Variants in PRR5 observed in about 807,000 individuals in gnomAD.
PRR5 encodes proline rich 5, also known as proline-rich protein 5.
Under a neutral mutation model 30.6 loss-of-function variants are expected in PRR5, and 25 were observed. The observed-to-expected ratio is 0.82, with a 90% CI of 0.60 to 1.14. The LOEUF (loss-of-function observed/expected upper bound fraction) is 1.14, where lower values mean the gene tolerates loss of function less well. PRR5 is among the 50% of genes most tolerant of loss of function. The pLI is 0.00. For missense variants in PRR5, 600 were observed against 547.1 expected, an observed-to-expected ratio of 1.10 and a Z score of -0.96; for synonymous variants, 286 against 247.1, an observed-to-expected ratio of 1.16 and a Z score of -1.48.
intron 1 of PRR5, among the ~76,000 whole-genome samples, chr22:44,704,475 C>G (rs12330008): frequency 0.027 from 4,066 of 152,102 alleles, 167 homozygotes; most frequent in Admixed American, 0.12. Flanking sequence ...CTGAGCAACC[C>G]CCGCCCCACC....
chr22:44,709,544 G>A (rs1185197419), intron 1 of PRR5, among the ~76,000 whole-genome samples: 1 of 152,110 alleles, frequency 6.6e-6, no homozygotes, highest in African/African-American at 2.4e-5. Context: ...GTTGATTTTA[G>A]TCCAGGGAAA....
intron 6 of PRR5, among the ~76,000 whole-genome samples, 195 bp downstream of exon 6, chr22:44,732,586 G>A (rs1438717268): frequency 6.6e-6 from 1 of 152,176 alleles, no homozygotes; most frequent in Non-Finnish European, 1.5e-5. Context: ...AGCTCAAGCT[G>A]CAGACCCGTT....
rs1368438848 is a variant in PRR5, at chr22:44,692,321, GGGGCTCCTCCTCCCA to G, written c.-10-10159_-10-10145del. 2.8e-5 allele frequency among the ~76,000 whole-genome samples: 3 copies of G among 108,860 alleles called. No individual in the cohort carries two copies. In the East Asian group the frequency reaches 9.0e-4, roughly 33 times the overall value. 71.4% of individuals were successfully genotyped at this position (108,860 alleles called of 152,430 possible). A position where few individuals can be genotyped will look rare whatever the true frequency, so the allele number is the denominator to read the frequency against. On this transcript the variant is annotated intron_variant, in intron 1 of 8. Coordinates refer to the PRR5 transcript ENST00000006251. ...TCCCCCTCTCGGTGCTCCTCCTCCCGGGGCTCCTCCTCCCAGGGCTCCTCCTGGGGGCTCCTCCTC... is the reference window on the plus strand; with the variant it reads ...TCCCCCTCTCGGTGCTCCTCCTCCCGGGGCTCCTCCTGGGGGCTCCTCCTC...
chr22:44,731,379 T>C, intron 4 of PRR5: 2 of 382,774 alleles, frequency 5.2e-6, no homozygotes, highest in South Asian at 2.7e-5. Flanking sequence ...TGTGTGGCTC[T>C]CACTTGTGTG....
At chr22:44,703,174 G>C (rs754007303) in intron 1 of PRR5, among the ~76,000 whole-genome samples, 1 of 152,190 alleles carries the variant, frequency 6.6e-6, no homozygotes, top group Non-Finnish European at 1.5e-5. Flanking sequence ...GCAGGGGCCT[G>C]GGAAGCCCCT....
At chr22:44,669,154 T>A (rs1923275791) in intron 1 of PRR5, among the ~76,000 whole-genome samples, 1 of 140,194 alleles carries the variant, frequency 7.1e-6, no homozygotes, top group Non-Finnish European at 1.6e-5. Flanking sequence ...TTTGTCCGCG[T>A]CTCTGTGGGT....
chr22:44,670,162 G>C (rs754105398), intron 1 of PRR5, among the ~76,000 whole-genome samples: 1 of 152,182 alleles, frequency 6.6e-6, no homozygotes, highest in Non-Finnish European at 1.5e-5. Context: ...TCCGGCTGGC[G>C]GACAGCGAAG....
chr22:44,724,577 T>C (rs1930402982), intron 2 of PRR5, among the ~76,000 whole-genome samples: 1 of 152,056 alleles, frequency 6.6e-6, no homozygotes, highest in South Asian at 2.1e-4. Flanking sequence ...GCCTGGCTGG[T>C]GTGGAATGTG....
chr22:44,732,429 T>C, intron 6 of PRR5, 38 bp downstream of exon 6: 1 of 1,583,970 alleles, frequency 6.3e-7, no homozygotes, highest in Admixed American at 1.7e-5. Context: ...ATGGGGACCG[T>C]GGGGCAGTAA....
chr22:44,714,548 C>T, intron 1 of PRR5, 43 bp from the exon 2 acceptor site: 1 of 1,608,002 alleles, frequency 6.2e-7, no homozygotes, highest in Non-Finnish European at 8.5e-7. Context: ...CCAGGGGGCT[C>T]TCAGACCTCA....
chr22:44,691,779 A>C lies in PRR5; in HGVS notation c.-10-10713A>C, dbSNP rs1422589617. Among the ~76,000 whole-genome samples, 1 of 151,994 alleles carries C rather than the reference A, an allele frequency of 6.6e-6. No individual in the cohort carries two copies. The highest frequency in any genetic ancestry group is 1.5e-5 in the Non-Finnish European group (1 of 67,942). On this transcript the variant is annotated intron_variant, in intron 1 of 8. Transcript: ENST00000006251. The surrounding 1 kb of genome is among the most constrained non-coding windows in gnomAD (Gnocchi z 4.4). ...ACGGGAGCAAGACTCCATCTCAAAA[A>C]AAAAAAGACACTGAAATCCACCAAG...
intron 7 of PRR5, among the ~76,000 whole-genome samples, chr22:44,736,114 C>A (rs1923202579): frequency 6.6e-6 from 1 of 152,346 alleles, no homozygotes; most frequent in Admixed American, 6.5e-5. Flanking sequence ...GCCACTGCCT[C>A]CCGCCCAGAT....
intron 1 of PRR5, among the ~76,000 whole-genome samples, chr22:44,693,503 G>T (rs943322780): frequency 1.3e-5 from 2 of 151,710 alleles, no homozygotes; most frequent in Non-Finnish European, 2.9e-5. Context: ...AGCTTCTGGT[G>T]ACTCCAAGGG....
At chr22:44,736,653 G>C in intron 7 of PRR5, 119 bp from the exon 8 acceptor site, 1 of 1,453,454 alleles carries the variant, frequency 6.9e-7, no homozygotes, top group Non-Finnish European at 9.1e-7. Context: ...CGGGCCCCGG[G>C]TCGGGCCTTC....
chr22:44,709,162 CGGCTCCCCACCACCCCTGCTTGT>C (rs942430915), intron 1 of PRR5, among the ~76,000 whole-genome samples: 8 of 151,882 alleles, frequency 5.3e-5, no homozygotes, highest in Non-Finnish European at 1.0e-4. Flanking sequence ...GGCCTGTGTT[CGGCTCCCCACCACCCCTGCTTGT>C]GGCTCCCCAC....
chr22:44,732,261 C>T lies in PRR5; in HGVS notation c.425C>T (p.Pro142Leu). 1 of 1,611,676 alleles carries T rather than the reference C, an allele frequency of 6.2e-7. No homozygotes were observed. The highest frequency in any genetic ancestry group is 8.5e-7 in the Non-Finnish European group (1 of 1,179,884). ...GCCTTCCGTCCACAGGGCAAGGAGCCATCGGTGCGCCAGCTGGCCCTGCTG... is the reference window on the plus strand; with the variant it reads ...GCCTTCCGTCCACAGGGCAAGGAGCTATCGGTGCGCCAGCTGGCCCTGCTG... The part of the protein sequence containing the change: ...AIFYPVQGKE[P>L]SVRQLALLHF... The change falls in exon 6 of 8, where the codon CCA becomes CTA. Residue 142 changes from proline to leucine, a missense_variant. Physicochemically the swap from Pro to Leu is moderately conservative, Grantham distance 98 (BLOSUM62 -3). Transcript: ENST00000336985.
intron 1 of PRR5, among the ~76,000 whole-genome samples, chr22:44,679,020 T>C (rs937634435): frequency 3.9e-5 from 6 of 152,184 alleles, no homozygotes; most frequent in Non-Finnish European, 8.8e-5. Flanking sequence ...GAGACTGCCA[T>C]GGGAGTCAGT....
intron 2 of PRR5, among the ~76,000 whole-genome samples, chr22:44,723,581 G>C (rs537060990): frequency 6.6e-6 from 1 of 151,938 alleles, no homozygotes; most frequent in Non-Finnish European, 1.5e-5. Context: ...TTAGCTGGGC[G>C]TGATGGTATG....
At chr22:44,719,490 TC>T (rs1403794388) in intron 2 of PRR5, among the ~76,000 whole-genome samples, 1 of 152,218 alleles carries the variant, frequency 6.6e-6, no homozygotes, top group Non-Finnish European at 1.5e-5. Context: ...CCCTGACATG[TC>T]ATTGTTATGT....
Sources: allele counts gnomAD v4.1 joint callset (sites outside exome capture counted in the v4.1 genomes callset), GRCh38; gene constraint gnomAD v4.1.1; non-coding constraint Gnocchi (gnomAD v3.1); transcripts MANE v1.5; gene names NCBI Gene and HGNC (gene_info 2026-07-23, HGNC 2026-07-21).